Variants in PRKDC observed in about 807,000 individuals in gnomAD.
PRKDC encodes DNA-dependent protein kinase catalytic subunit.
In PRKDC, 82 loss-of-function variants were observed where a neutral mutation model predicts 486.9. The ratio of observed to expected loss-of-function variants is 0.17; its 90% CI spans 0.14 to 0.20. The LOEUF (loss-of-function observed/expected upper bound fraction) is 0.20, where lower values mean the gene tolerates loss of function less well. Ranked by LOEUF, PRKDC falls within the 10% of genes least tolerant of loss-of-function variation. PRKDC has a pLI of 1.00. For synonymous variants in PRKDC, 1,895 were observed against 1,837.0 expected (o/e 1.03, Z -0.81); for missense variants, 4,504 against 5,038.2 (o/e 0.89, Z 3.21).
At chr8:47,892,554 C>T (rs2089484500) in intron 31 of PRKDC, among the ~76,000 whole-genome samples, 1 of 152,134 alleles carries the variant, frequency 6.6e-6, no homozygotes, top group African/African-American at 2.4e-5. Flanking sequence ...TGGTCTCAAC[C>T]TCCTGGGCTC....
chr8:47,896,659 A>C (rs1439280461), intron 30 of PRKDC, among the ~76,000 whole-genome samples: 3 of 151,732 alleles, frequency 2.0e-5, no homozygotes, highest in South Asian at 2.1e-4. Flanking sequence ...AAAAAAAAAA[A>C]AAAAAACTCC....
chr8:47,830,814 C>CA, intron 60 of PRKDC, 78 bp from the exon 61 acceptor site: 1 of 1,575,674 alleles, frequency 6.3e-7, no homozygotes, highest in Non-Finnish European at 8.7e-7. Context: ...ATGAGGCTGC[C>CA]AGGATCCCCT....
chr8:47,877,317 G>C (rs1387004041), intron 40 of PRKDC, among the ~76,000 whole-genome samples: 3 of 152,140 alleles, frequency 2.0e-5, no homozygotes, highest in Admixed American at 6.6e-5. Flanking sequence ...TCTGACTATG[G>C]AATTACTGAT....
At chr8:47,846,415 CAA>C (rs200554979) in intron 54 of PRKDC, among the ~76,000 whole-genome samples, 12 of 59,666 alleles carry the variant, frequency 2.0e-4, no homozygotes, top group East Asian at 5.1e-4. Context: ...GACTCTGCCT[CAA>C]AAAAAAAAAA....
intron 22 of PRKDC, among the ~76,000 whole-genome samples, chr8:47,916,302 GC>G (rs1398797252): frequency 6.6e-6 from 1 of 152,024 alleles, no homozygotes; most frequent in African/African-American, 2.4e-5. Flanking sequence ...AAAACAATTA[GC>G]CAGGCGTGGT....
intron 39 of PRKDC, among the ~76,000 whole-genome samples, chr8:47,878,830 C>T (rs938102779): frequency 6.6e-6 from 1 of 152,206 alleles, no homozygotes; most frequent in Non-Finnish European, 1.5e-5. Flanking sequence ...GAGCAAGACT[C>T]TGTCTCAAAA....
intron 21 of PRKDC, chr8:47,926,693 A>AC (rs1250814003): frequency 6.6e-6 from 1 of 152,062 alleles, no homozygotes; most frequent in East Asian, 1.9e-4. Context: ...TGGGCAGATA[A>AC]TTTTTTTCTT....
chr8:47,939,295 C>T (rs980965921), intron 11 of PRKDC, among the ~76,000 whole-genome samples: 1 of 152,230 alleles, frequency 6.6e-6, no homozygotes, highest in African/African-American at 2.4e-5. Flanking sequence ...TCAAGTCCCA[C>T]AGTCACCCTG....
intron 68 of PRKDC, among the ~76,000 whole-genome samples, chr8:47,816,793 C>T (rs940561558): frequency 6.7e-6 from 1 of 149,126 alleles, no homozygotes; most frequent in African/African-American, 2.5e-5. Context: ...AACTTTTCCA[C>T]AAGAACTCAT....
chr8:47,855,662 C>G (rs1170479450), intron 49 of PRKDC, among the ~76,000 whole-genome samples: 2 of 152,238 alleles, frequency 1.3e-5, no homozygotes, highest in East Asian at 1.9e-4. Context: ...GCCTAGGACT[C>G]TTTATCTGAG....
chr8:47,780,746 T>G (rs899855444), intron 80 of PRKDC, among the ~76,000 whole-genome samples: 2 of 152,146 alleles, frequency 1.3e-5, no homozygotes, highest in African/African-American at 4.8e-5. Flanking sequence ...AAGATCATCC[T>G]GGCCAACATA....
intron 7 of PRKDC, among the ~76,000 whole-genome samples, chr8:47,946,206 C>T (rs554174203): frequency 6.6e-6 from 1 of 152,060 alleles, no homozygotes; most frequent in African/African-American, 2.4e-5. Flanking sequence ...TGGCGCATAC[C>T]GGTAATCCCA....
At chr8:47,805,636 GA>G (rs2087201894) in intron 69 of PRKDC, among the ~76,000 whole-genome samples, 1 of 152,132 alleles carries the variant, frequency 6.6e-6, no homozygotes, top group African/African-American at 2.4e-5. Context: ...TTTTAATTCT[GA>G]ATACAATTGA....
At chr8:47,942,829 G>A (rs1348531733) in intron 10 of PRKDC, among the ~76,000 whole-genome samples, 1 of 152,204 alleles carries the variant, frequency 6.6e-6, no homozygotes, top group Non-Finnish European at 1.5e-5. Context: ...GGCACCCCTT[G>A]TTTTCAAGTT....
At chr8:47,817,669 A>G in intron 67 of PRKDC, 108 bp from the exon 68 acceptor site, 1 of 663,360 alleles carries the variant, frequency 1.5e-6, no homozygotes, top group Middle Eastern at 4.1e-4. Flanking sequence ...CCAAATTACA[A>G]AAAAGTCCTT....
intron 64 of PRKDC, among the ~76,000 whole-genome samples, chr8:47,822,927 T>C (rs1391197656): frequency 2.6e-5 from 4 of 152,192 alleles, no homozygotes; most frequent in Admixed American, 6.5e-5. Context: ...CAAATTCTTC[T>C]TTACCTCTGA....
chr8:47,879,881 C>T (rs2089174369), intron 38 of PRKDC, among the ~76,000 whole-genome samples: 1 of 139,352 alleles, frequency 7.2e-6, no homozygotes, highest in African/African-American at 2.7e-5. Flanking sequence ...CACTCTGTCA[C>T]CCAGGCTGGA....
intron 69 of PRKDC, chr8:47,804,976 G>C (rs1388009721): frequency 2.0e-5 from 3 of 152,062 alleles, no homozygotes; most frequent in Non-Finnish European, 4.4e-5. Flanking sequence ...TGGTCAGGCT[G>C]GTCTCGAACC....
At chr8:47,837,468 G>T in intron 56 of PRKDC, 49 bp from the exon 57 acceptor site, 1 of 1,426,666 alleles carries the variant, frequency 7.0e-7, no homozygotes, top group South Asian at 1.2e-5. Context: ...TGGCAAATGG[G>T]AAAGAATGTG....
Sources: allele counts gnomAD v4.1 joint callset (sites outside exome capture counted in the v4.1 genomes callset), GRCh38; gene constraint gnomAD v4.1.1; transcripts MANE v1.5; gene names NCBI Gene and HGNC (gene_info 2026-07-23, HGNC 2026-07-21).